Variants in THSD4 observed in about 807,000 individuals in gnomAD.
The protein encoded by THSD4 is thrombospondin type 1 domain containing 4.
A neutral mutation model predicts 119.0 loss-of-function variants in THSD4; 69 were observed. The observed-to-expected ratio is 0.58, with a 90% confidence interval of 0.48 to 0.71. The LOEUF is 0.71. THSD4 is among the 30% of genes least tolerant of loss of function. The pLI is 0.00. For missense variants in THSD4, 1,393 were observed against 1,391.1 expected (o/e 1.00, Z -0.02); for synonymous variants, 524 against 540.4 (o/e 0.97, Z 0.42).
At chr15:71,579,709 T>C (rs1029348431) in intron 7 of THSD4, among the ~76,000 whole-genome samples, 2 of 152,200 alleles carry the variant, frequency 1.3e-5, no homozygotes, top group Non-Finnish European at 2.9e-5. Context: ...TTATTTCCCA[T>C]TTATAGCTTT....
intron 4 of THSD4, among the ~76,000 whole-genome samples, chr15:71,227,262 C>T (rs144293813): frequency 1.2e-3 from 185 of 152,270 alleles, no homozygotes; most frequent in South Asian, 3.7e-3. Context: ...TCACATTCGC[C>T]GTAAGAATGC....
Position 71,653,101 on chromosome 15 carries a change from C to A in THSD4, c.1153-7429C>A, listed in dbSNP as rs2051123809. On this transcript the variant is annotated intron_variant, in intron 7 of 17. Transcript: ENST00000261862. ...GATCTTTTGATTCTTCAACCAGCTG[C>A]TCTTTCATTCAACAAACGCTTATTA... Among the ~76,000 whole-genome samples, 5 of 152,208 alleles carry A rather than the reference C, an allele frequency of 3.3e-5. No homozygotes were observed. The South Asian group carries it at 8.3e-4, about 25-fold the overall frequency.
chr15:71,439,638 T>A (rs1027982527), intron 7 of THSD4, among the ~76,000 whole-genome samples: 48 of 152,134 alleles, frequency 3.2e-4, no homozygotes, highest in African/African-American at 1.2e-3. Flanking sequence ...GATAGACTGG[T>A]TAAAGAAAAT....
intron 1 of THSD4, among the ~76,000 whole-genome samples, chr15:71,109,567 G>A (rs76806139): frequency 0.012 from 1,818 of 152,210 alleles, 49 homozygotes; most frequent in African/African-American, 0.042. Context: ...TAGGGGAGGC[G>A]ACTGCAGTTT....
intron 7 of THSD4, among the ~76,000 whole-genome samples, chr15:71,539,244 T>G (rs994796500): frequency 1.1e-4 from 16 of 152,254 alleles, no homozygotes; most frequent in African/African-American, 3.9e-4. Flanking sequence ...AGTTAATTAC[T>G]AACACCTGCT....
rs142481654 is a variant in THSD4 at position 71,247,921 on chromosome 15, A to G, written c.912+4825A>G. On this transcript the variant is annotated intron_variant, in intron 5 of 17. Transcript: ENST00000261862. ...TTGCAACAGAGGAAGGAGAAATCAAACCTCAATTCCTCTGGTGCCTGAGGA... is the reference window on the plus strand; with the variant it reads ...TTGCAACAGAGGAAGGAGAAATCAAGCCTCAATTCCTCTGGTGCCTGAGGA... Among the ~76,000 whole-genome samples, 347 of 152,320 alleles carry G rather than the reference A, an allele frequency of 2.3e-3. 2 individuals carry two copies. The highest frequency in any genetic ancestry group is 7.8e-3 in the African/African-American group (326 of 41,576).
intron 8 of THSD4, among the ~76,000 whole-genome samples, chr15:71,696,580 A>G (rs899586187): frequency 3.3e-5 from 5 of 152,220 alleles, no homozygotes; most frequent in African/African-American, 1.2e-4. Context: ...GGGGCTTCCA[A>G]TTAGCTGAAG....
chr15:71,746,394 CT>C (rs2053337642), intron 12 of THSD4, among the ~76,000 whole-genome samples: 2 of 151,984 alleles, frequency 1.3e-5, no homozygotes, highest in Admixed American at 1.3e-4. Context: ...TTTTCTTTTT[CT>C]TTTTCTTTTC....
At chr15:71,598,512 G>T (rs961568318) in intron 7 of THSD4, among the ~76,000 whole-genome samples, 1 of 152,168 alleles carries the variant, frequency 6.6e-6, no homozygotes, top group African/African-American at 2.4e-5. Flanking sequence ...CCACCGTTTT[G>T]CAGACGTCAT....
At chr15:71,611,448 C>G (rs1430619143) in intron 7 of THSD4, among the ~76,000 whole-genome samples, 1 of 152,222 alleles carries the variant, frequency 6.6e-6, no homozygotes, top group African/African-American at 2.4e-5. Flanking sequence ...AACCCCTATG[C>G]TAATTCTCAC....
chr15:71,371,252 T>G (rs1290548481), intron 6 of THSD4, among the ~76,000 whole-genome samples: 1 of 152,230 alleles, frequency 6.6e-6, no homozygotes, highest in African/African-American at 2.4e-5. Context: ...TTTGTGTCTT[T>G]TAATTGTAGC....
chr15:71,737,289 A>G (rs2141150889), intron 10 of THSD4, among the ~76,000 whole-genome samples: 1 of 152,350 alleles, frequency 6.6e-6, no homozygotes, highest in South Asian at 2.1e-4. Context: ...CCATGGATCT[A>G]TTTGCAGGCT....
intron 5 of THSD4, among the ~76,000 whole-genome samples, chr15:71,254,833 C>T (rs2044296408): frequency 6.6e-6 from 1 of 152,192 alleles, no homozygotes; most frequent in African/African-American, 2.4e-5. Context: ...GTCCGCCTCT[C>T]CCTGATTGTC....
intron 6 of THSD4, among the ~76,000 whole-genome samples, chr15:71,306,382 G>GTATCTTAC (rs1261869808): frequency 1.0e-4 from 15 of 147,810 alleles, no homozygotes; most frequent in Non-Finnish European, 1.5e-5. Context: ...CTTATGGCCA[G>GTATCTTAC]TATCTTACTA....
chr15:71,699,705 G>A (rs376282166), intron 8 of THSD4, among the ~76,000 whole-genome samples: 2 of 152,114 alleles, frequency 1.3e-5, no homozygotes, highest in Non-Finnish European at 2.9e-5. Flanking sequence ...TGATGGAATG[G>A]GTTTTCTATA....
intron 8 of THSD4, among the ~76,000 whole-genome samples, chr15:71,716,264 T>G (rs752706210): frequency 6.6e-6 from 1 of 152,176 alleles, no homozygotes; most frequent in Admixed American, 6.5e-5. Flanking sequence ...ATACTGGATT[T>G]AGGGCCCACC....
chr15:71,603,187 G>C lies in THSD4; in HGVS notation c.1153-57343G>C, dbSNP rs117618544. On this transcript the variant is annotated intron_variant, in intron 7 of 17. Coordinates refer to ENST00000261862, the MANE Select transcript of THSD4 (RefSeq NM_024817.3). ...TTGCTCCTTGGTTCAGCTAAAACCA[G>C]GTTTTTGTCACACCACCAGGAATGA... Among the ~76,000 whole-genome samples the C allele has an allele frequency of 1.4e-3, 209 of 152,306 alleles. 4 individuals carry two copies. The East Asian group carries it at 0.035, about 26-fold the overall frequency.
rs2141185112 is a variant in THSD4, at chr15:71,753,315, T to G, written c.2416-4587T>G. On this transcript the variant is annotated intron_variant, in intron 14 of 17. Coordinates refer to ENST00000261862, the MANE Select transcript of THSD4 (RefSeq NM_024817.3). ...TAGGTTTAAGCCCATGTGCAATTTTTAATCACAACAGGAAAAAAACACTTT... is the reference window on the plus strand; with the variant it reads ...TAGGTTTAAGCCCATGTGCAATTTTGAATCACAACAGGAAAAAAACACTTT... 1.3e-5 allele frequency among the ~76,000 whole-genome samples: 2 copies of G among 152,352 alleles called. 1 individual carries two copies. The highest frequency in any genetic ancestry group is 4.2e-4 in the South Asian group (2 of 4,816).
chr15:71,155,451 T>A (rs1014129561), intron 3 of THSD4, among the ~76,000 whole-genome samples: 1 of 152,120 alleles, frequency 6.6e-6, no homozygotes, highest in African/African-American at 2.4e-5. Flanking sequence ...CGACATGAGA[T>A]TTGGGTGGGG....
Sources: allele counts gnomAD v4.1 joint callset (sites outside exome capture counted in the v4.1 genomes callset), GRCh38; gene constraint gnomAD v4.1.1; transcripts MANE v1.5; gene names NCBI Gene and HGNC (gene_info 2026-07-23, HGNC 2026-07-21).